The following ANO2 variants were observed in gnomAD, a reference collection of about 807,000 sequenced individuals.
ANO2 encodes the protein anoctamin 2.
A neutral mutation model predicts 124.2 loss-of-function variants in ANO2; 101 were observed. That is an observed-to-expected ratio of 0.81 (90% CI 0.69 to 0.96). The LOEUF (loss-of-function observed/expected upper bound fraction) is 0.96, where lower values mean the gene tolerates loss of function less well. Among genes scored for constraint, ANO2 ranks in the 40% least tolerant of loss-of-function variants. ANO2 has a pLI of 0.00. For missense variants in ANO2, 1,293 were observed against 1,274.5 expected, an observed-to-expected ratio of 1.01 and a Z score of -0.22; for synonymous variants, 486 against 482.5, an observed-to-expected ratio of 1.01 and a Z score of -0.09.
chr12:5,907,462 C>G (rs1266527069), intron 3 of ANO2, among the ~76,000 whole-genome samples: 1 of 152,112 alleles, frequency 6.6e-6, no homozygotes, highest in Non-Finnish European at 1.5e-5. Flanking sequence ...AGAAAAGAGG[C>G]AATTGGCACA....
At chr12:5,918,714 C>T (rs775176735) in intron 3 of ANO2, among the ~76,000 whole-genome samples, 1 of 152,140 alleles carries the variant, frequency 6.6e-6, no homozygotes, top group Non-Finnish European at 1.5e-5. Flanking sequence ...GCTTGGATTA[C>T]AGGCATGAGC....
At chr12:5,918,915 G>T (rs143019266) in intron 3 of ANO2, among the ~76,000 whole-genome samples, 148 of 152,222 alleles carry the variant, frequency 9.7e-4, no homozygotes, top group African/African-American at 3.3e-3. Context: ...ATCCAGCAAG[G>T]CATCTATTAC....
At chr12:5,646,111 T>C (rs1946626369) in intron 15 of ANO2, among the ~76,000 whole-genome samples, 1 of 152,240 alleles carries the variant, frequency 6.6e-6, no homozygotes, top group Non-Finnish European at 1.5e-5. Flanking sequence ...GAGGACATCC[T>C]GTTACAATCC....
chr12:5,869,214 C>G (rs1351511944), intron 3 of ANO2, among the ~76,000 whole-genome samples: 2 of 152,190 alleles, frequency 1.3e-5, no homozygotes, highest in Non-Finnish European at 1.5e-5. Context: ...TCCACTCCAG[C>G]ACCAGTCCGA....
chr12:5,700,754 G>T (rs1949368844), intron 14 of ANO2, among the ~76,000 whole-genome samples: 1 of 152,064 alleles, frequency 6.6e-6, no homozygotes, highest in South Asian at 2.1e-4. Flanking sequence ...TGATAAAGGG[G>T]TTATCAGACT....
chr12:5,862,214 C>T lies in ANO2; in HGVS notation c.535-8073G>A, dbSNP rs575874257. On this transcript the variant is annotated intron_variant, in intron 3 of 24. Transcript: ENST00000682330. The surrounding 1 kb of genome is among the most constrained non-coding windows in gnomAD (Gnocchi z 4.0). ...ACTGGAATCTCCTCTCCAACCCTGT[C>T]CTGCATAGGCCAAGGTGAAGGTGGC... Among the ~76,000 whole-genome samples, 1 of 152,268 alleles carries T rather than the reference C, an allele frequency of 6.6e-6. No individual in the cohort carries two copies. The highest frequency in any genetic ancestry group is 2.4e-5 in the African/African-American group (1 of 41,556).
intron 14 of ANO2, among the ~76,000 whole-genome samples, chr12:5,731,755 C>T (rs551871151): frequency 6.6e-6 from 1 of 152,028 alleles, no homozygotes; most frequent in Non-Finnish European, 1.5e-5. Context: ...CTGCATGCCA[C>T]CATGAAACTG....
At chr12:5,759,547 A>T (rs1367357690) in intron 10 of ANO2, among the ~76,000 whole-genome samples, 2 of 150,922 alleles carry the variant, frequency 1.3e-5, no homozygotes, top group Non-Finnish European at 2.9e-5. Flanking sequence ...TTCCTATCAG[A>T]TCAGCAGCAG....
chr12:5,791,159 A>G (rs1591621437), intron 10 of ANO2, among the ~76,000 whole-genome samples: 1 of 152,186 alleles, frequency 6.6e-6, no homozygotes, highest in African/African-American at 2.4e-5. Flanking sequence ...CTTTGCACAC[A>G]GTGCTAACTT....
intron 16 of ANO2, among the ~76,000 whole-genome samples, chr12:5,633,298 G>C (rs1315910510): frequency 1.3e-5 from 2 of 152,158 alleles, no homozygotes. Context: ...AAGTTCACAG[G>C]GCTGGCCCAT....
chr12:5,734,102 T>C (rs1428407061), intron 13 of ANO2, among the ~76,000 whole-genome samples: 2 of 152,176 alleles, frequency 1.3e-5, no homozygotes, highest in Non-Finnish European at 2.9e-5. Flanking sequence ...CCAAGAGAAT[T>C]TCAGCTAAAA....
chr12:5,846,679 C>G (rs1304524943), intron 4 of ANO2, among the ~76,000 whole-genome samples: 1 of 152,150 alleles, frequency 6.6e-6, no homozygotes, highest in Non-Finnish European at 1.5e-5. Flanking sequence ...TTTGGATGGC[C>G]CCAGGTGTTC....
intron 22 of ANO2, among the ~76,000 whole-genome samples, chr12:5,577,184 T>C (rs1270382106): frequency 1.3e-5 from 2 of 152,234 alleles, no homozygotes; most frequent in African/African-American, 4.8e-5. Context: ...CAAAATGCAG[T>C]GGGCTGATTT....
At chr12:5,890,832 G>C (rs537795576) in intron 3 of ANO2, among the ~76,000 whole-genome samples, 39 of 152,280 alleles carry the variant, frequency 2.6e-4, no homozygotes, top group African/African-American at 8.2e-4. Flanking sequence ...CAGCACAGTG[G>C]AATATCTGCC....
intron 11 of ANO2, among the ~76,000 whole-genome samples, chr12:5,750,612 G>A (rs1456458836): frequency 1.3e-5 from 2 of 152,220 alleles, no homozygotes; most frequent in Non-Finnish European, 2.9e-5. Context: ...AGAAGAGCTT[G>A]ACTAGAAGAG....
chr12:5,799,283 A>C (rs779927275), intron 10 of ANO2, among the ~76,000 whole-genome samples: 7 of 152,206 alleles, frequency 4.6e-5, no homozygotes, highest in Non-Finnish European at 1.0e-4. Flanking sequence ...GGTGCAGGTC[A>C]TGGTCTATCA....
At chr12:5,802,937 G>C (rs1351012837) in intron 9 of ANO2, among the ~76,000 whole-genome samples, 1 of 152,202 alleles carries the variant, frequency 6.6e-6, no homozygotes, top group African/African-American at 2.4e-5. Flanking sequence ...CAGCAAGTTT[G>C]GCTCCCCAGG....
At chr12:5,602,312 G>T (rs1025912873) in intron 19 of ANO2, among the ~76,000 whole-genome samples, 2 of 151,830 alleles carry the variant, frequency 1.3e-5, no homozygotes, top group African/African-American at 4.8e-5. Context: ...GTGCAGTGGT[G>T]TGATTTCGGC....
At chr12:5,864,843 C>G (rs753172678) in intron 3 of ANO2, among the ~76,000 whole-genome samples, 1 of 152,168 alleles carries the variant, frequency 6.6e-6, no homozygotes, top group Non-Finnish European at 1.5e-5. Context: ...AGCCATCAAA[C>G]CTTTGAGCAA....
Sources: allele counts gnomAD v4.1 joint callset (sites outside exome capture counted in the v4.1 genomes callset), GRCh38; gene constraint gnomAD v4.1.1; non-coding constraint Gnocchi (gnomAD v3.1); transcripts MANE v1.5; gene names NCBI Gene and HGNC (gene_info 2026-07-23, HGNC 2026-07-21).